COL20A1: variants seen among roughly 807,000 people sequenced by gnomAD.
COL20A1 encodes the protein collagen type XX alpha 1 chain.
COL20A1 carries 164 observed loss-of-function variants against 152.9 expected under a neutral mutation model. The ratio of observed to expected loss-of-function variants is 1.07; its 90% CI spans 0.94 to 1.22. The LOEUF is 1.22. Among genes scored for constraint, COL20A1 ranks in the 50% most tolerant of loss-of-function variants. The pLI is 0.00. For synonymous variants in COL20A1, 864 were observed against 756.0 expected (o/e 1.14, Z -2.34); for missense variants, 1,873 against 1,744.8 (o/e 1.07, Z -1.31).
At position 63,313,797 on chromosome 20, in the gene COL20A1, A is replaced by G. The variant is rs765507456; in HGVS notation, c.2264A>G (p.Asp755Gly). The change falls in exon 18 of 36, where the codon GAC (aspartate) becomes GGC (glycine). Residue 755 changes from aspartate to glycine, a missense_variant. Asp to Gly is a moderately conservative substitution (Grantham distance 94). Coordinates refer to ENST00000358894, the MANE Select transcript of COL20A1 (RefSeq NM_020882.4). The surrounding 1 kb of genome is among the most constrained non-coding windows in gnomAD (Gnocchi z 5.9). ...CTGGCCCTGGCCTCGGAGACCCCCG[A>G]CAGCCTGCAGGTCAGCTGGACGCCC... is the stretch of plus-strand genomic sequence containing the variant. ...SNLALASETP[D>G]SLQVSWTPPL... is the part of the protein sequence containing the mutation. 1.7e-5 allele frequency: 28 copies of G among 1,610,482 alleles called. No homozygotes were observed. The highest frequency in any genetic ancestry group is 2.1e-5 in the Non-Finnish European group (25 of 1,179,066).
Position 63,334,646 on chromosome 20 carries a change from ACTT to A in COL20A1, c.*3933_*3935del, listed in dbSNP as rs1196264654. 9 of 152,118 alleles carry A rather than the reference ACTT, an allele frequency of 5.9e-5. No individual in the cohort carries two copies. The highest frequency in any genetic ancestry group is 1.2e-4 in the Non-Finnish European group (8 of 68,014). 9.4% of individuals were successfully genotyped at this position (152,118 alleles called of 1,614,324 possible). A position where few individuals can be genotyped will look rare whatever the true frequency, so the allele number is the denominator to read the frequency against. On this transcript the variant is annotated 3_prime_UTR_variant, in exon 36 of 36. Coordinates refer to ENST00000358894, the MANE Select transcript of COL20A1 (RefSeq NM_020882.4). ...GCCGTGTTACCCAGGCTGGTCTTGA[ACTT>A]CTGAGCTCAAACGATCCACCCTCCT...
chr20:63,293,565 G>C (rs866347907), intron 1 of COL20A1, among the ~76,000 whole-genome samples: 1 of 152,132 alleles, frequency 6.6e-6, no homozygotes, highest in Non-Finnish European at 1.5e-5. Context: ...AGCAGAGAGC[G>C]GCTTGCACTT....
rs1254279188 is a variant in COL20A1 at position 63,330,869 on chromosome 20, G to GC, written c.*156dup. 2 of 152,264 alleles carry GC rather than the reference G, an allele frequency of 1.3e-5. No individual in the cohort carries two copies. The highest frequency in any genetic ancestry group is 2.9e-5 in the Non-Finnish European group (2 of 68,092). 9.4% of individuals were successfully genotyped at this position (152,264 alleles called of 1,614,324 possible). The stretch of plus-strand genomic sequence containing the variant: ...GAGGGAAGCAGCGGCCTCGGCCAAG[G>GC]CCCACCCCATACTCTTGGCTCTGTA... On this transcript the variant is annotated 3_prime_UTR_variant, in exon 36 of 36. Coordinates refer to ENST00000358894, the MANE Select transcript of COL20A1 (RefSeq NM_020882.4).
At chr20:63,295,075 G>T (rs540408642) in intron 1 of COL20A1, 23 bp from the exon 2 acceptor site, 3 of 1,487,654 alleles carry the variant, frequency 2.0e-6, no homozygotes, top group South Asian at 2.5e-5. Context: ...CGGCTGAAGG[G>T]CATGGCCTCT....
intron 35 of COL20A1, among the ~76,000 whole-genome samples, chr20:63,330,029 T>A (rs944234675): frequency 1.3e-5 from 2 of 151,860 alleles, no homozygotes; most frequent in African/African-American, 4.8e-5. Context: ...AGGTGTTTGC[T>A]CAGTGGGCAC....
At position 63,305,910 on chromosome 20, in the gene COL20A1, A is replaced by G. The variant is rs777135201; in HGVS notation, c.367A>G (p.Arg123Gly). The change falls in exon 5 of 36, where the codon AGG (arginine) becomes GGG (glycine). Residue 123 changes from arginine (R) to glycine (G), a missense_variant. Transcript: ENST00000358894. This position sits in a 1 kb window ranked among gnomAD's most constrained non-coding sequence, Gnocchi z 4.9. The part of the protein sequence containing the change: ...IEDLKSSSLD[R>G]SSQRPLGSGA... ...GGATCTGAAGAGTAGCTCCCTGGAC[A>G]GGAGCAGCCAGAGGCCCCTCGGCTC... 4 of 1,612,980 alleles carry G rather than the reference A, an allele frequency of 2.5e-6. No homozygotes were observed. The highest frequency in any genetic ancestry group is 3.4e-6 in the Non-Finnish European group (4 of 1,179,802).
chr20:63,310,754 A>G (rs771965107), intron 11 of COL20A1, among the ~76,000 whole-genome samples: 3 of 151,998 alleles, frequency 2.0e-5, no homozygotes, highest in Non-Finnish European at 2.9e-5. Flanking sequence ...ATCACAGCCC[A>G]TTATGCTGCT....
At chr20:63,321,983 GC>G in intron 26 of COL20A1, 74 bp from the exon 27 acceptor site, 2 of 1,264,464 alleles carry the variant, frequency 1.6e-6, no homozygotes, top group Non-Finnish European at 2.2e-6. Context: ...CAGGCATGGG[GC>G]TCAGGGGCTG....
rs2068040735 is a variant in COL20A1 at position 63,313,314 on chromosome 20, T to C, written c.2209+65T>C. The C allele has an allele frequency of 2.0e-6, 3 of 1,524,862 alleles. No homozygotes were observed. The highest frequency in any genetic ancestry group is 4.6e-5 in the East Asian group (2 of 43,664). 94.5% of individuals were successfully genotyped at this position (1,524,862 alleles called of 1,614,324 possible). On this transcript the variant is annotated intron_variant, in intron 17 of 35. Coordinates refer to ENST00000358894, the MANE Select transcript of COL20A1 (RefSeq NM_020882.4). The surrounding 1 kb of genome is among the most constrained non-coding windows in gnomAD (Gnocchi z 5.9). ...AGGGATGGCCCAGGGGATCCCTGACTCACCCGCTGCACAGGCCCAGGACCC... is the reference window on the plus strand; with the variant it reads ...AGGGATGGCCCAGGGGATCCCTGACCCACCCGCTGCACAGGCCCAGGACCC...
intron 35 of COL20A1, among the ~76,000 whole-genome samples, chr20:63,330,457 G>A (rs2068318256): frequency 6.6e-6 from 1 of 152,166 alleles, no homozygotes; most frequent in Non-Finnish European, 1.5e-5. Flanking sequence ...CCAAGAATCA[G>A]GTCAGAGCCC....
chr20:63,320,526 G>A (rs762378431), intron 25 of COL20A1, among the ~76,000 whole-genome samples, 158 bp downstream of exon 25: 1 of 152,210 alleles, frequency 6.6e-6, no homozygotes, highest in South Asian at 2.1e-4. Flanking sequence ...GCCAGTGGAT[G>A]AGCCCAGAGG....
chr20:63,329,740 G>T lies in COL20A1; in HGVS notation c.*3+79G>T, dbSNP rs6010904. The T allele has an allele frequency of 9.4e-3, 9,453 of 1,010,794 alleles. 517 individuals are homozygous for T. In the African/African-American group the frequency reaches 0.12, roughly 13 times the overall value. The allele number at this position is 1,010,794 out of a possible 1,614,324, so 62.6% of individuals were successfully genotyped here. ...AGGAGCTCCTGAGGGGCCAACGGGT[G>T]GGGCCTCATGCTGTCCAGGGTGGGG... is the stretch of plus-strand genomic sequence containing the variant. On this transcript the variant is annotated intron_variant, in intron 35 of 35. Coordinates refer to ENST00000358894, the MANE Select transcript of COL20A1 (RefSeq NM_020882.4).
rs1432380407 is a variant in COL20A1 at position 63,331,691 on chromosome 20, T to C, written c.*975T>C. On this transcript the variant is annotated 3_prime_UTR_variant, in exon 36 of 36. Coordinates refer to ENST00000358894, the MANE Select transcript of COL20A1 (RefSeq NM_020882.4). The stretch of plus-strand genomic sequence containing the variant: ...AACTTCTACTTCCTTTCCAAACAAA[T>C]ATTCAGTAACTAGTCCACTGTTACC... The C allele has an allele frequency of 1.3e-5, 2 of 152,096 alleles. 1 individual carries two copies. Among genetic ancestry groups the C allele is most frequent in the African/African-American group, 4.8e-5 (2 of 41,376 alleles). 9.4% of individuals were successfully genotyped at this position (152,096 alleles called of 1,614,324 possible).
intron 3 of COL20A1, among the ~76,000 whole-genome samples, chr20:63,304,660 C>T (rs553144887): frequency 6.7e-6 from 1 of 148,548 alleles, no homozygotes; most frequent in African/African-American, 2.5e-5. Flanking sequence ...TTCCTCCCTC[C>T]AGGTGTGCAG....
chr20:63,320,501 GGAGGCA>G (rs1280173226), intron 25 of COL20A1, 133 bp downstream of exon 25: 1 of 893,198 alleles, frequency 1.1e-6, no homozygotes. Flanking sequence ...GGCTTTCAGA[GGAGGCA>G]GCCTCAGGGC....
chr20:63,319,097 C>G lies in COL20A1; in HGVS notation c.2703C>G (p.Ile901Met), dbSNP rs377419781. The change falls in exon 22 of 36, where the codon ATC becomes ATG. Residue 901 changes from isoleucine to methionine, a missense_variant. Physicochemically the swap from Ile to Met is conservative, Grantham distance 10 (BLOSUM62 1). Transcript: ENST00000358894. This position sits in a 1 kb window ranked among gnomAD's most constrained non-coding sequence, Gnocchi z 4.4. ...YPAPLPPEHT[I>M]VFLVRLLPET... The stretch of plus-strand genomic sequence containing the variant: ...CCCCCCTACCTCCAGAGCACACCAT[C>G]GTCTTCCTTGTGCGCCTACTTCCCG... 1 of 1,612,044 alleles carries G rather than the reference C, an allele frequency of 6.2e-7. No homozygotes were observed. The highest frequency in any genetic ancestry group is 8.5e-7 in the Non-Finnish European group (1 of 1,178,654).
intron 3 of COL20A1, among the ~76,000 whole-genome samples, chr20:63,300,975 A>C (rs751269712): frequency 2.0e-5 from 3 of 152,068 alleles, no homozygotes; most frequent in Non-Finnish European, 4.4e-5. Flanking sequence ...TTCTTCCTTC[A>C]TTGCATTGTG....
rs1157122711 is a variant in COL20A1, at chr20:63,326,105, G to A, written c.3412G>A (p.Gly1138Ser). 2.5e-6 allele frequency: 4 copies of A among 1,612,830 alleles called. No homozygotes were observed. Among genetic ancestry groups the A allele is most frequent in the Non-Finnish European group, 3.4e-6 (4 of 1,179,708 alleles). The change falls in exon 30 of 36, where the codon GGC becomes AGC. Residue 1138 changes from glycine to serine, a missense_variant. By Grantham distance (56) the Gly-to-Ser change is moderately conservative. Coordinates refer to ENST00000358894, the MANE Select transcript of COL20A1 (RefSeq NM_020882.4). ...CTTCCTTTGCCATCAGGGAATGAGA[G>A]GCCTGGAGGGAACTGCTGGCCTGCC... ...VGLQGPKGMR[G>S]LEGTAGLPGP...
chr20:63,319,479 C>A lies in COL20A1; in HGVS notation c.2807-8C>A. ...CCGTTCTCACCTGCTCCACCCCTTC[C>A]CTGGCAGCCGGGAAGAAGTCCCTGA... On this transcript the variant is annotated splice_polypyrimidine_tract_variant and splice_region_variant and intron_variant, in intron 22 of 35. Transcript: ENST00000358894. The surrounding 1 kb of genome is among the most constrained non-coding windows in gnomAD (Gnocchi z 4.4). The A allele has an allele frequency of 6.4e-7, 1 of 1,560,994 alleles. No homozygotes were observed. The highest frequency in any genetic ancestry group is 2.4e-5 in the East Asian group (1 of 41,686).
Sources: gnomAD v4.1 joint callset for allele counts (sites outside exome capture counted in the v4.1 genomes callset) on GRCh38, gnomAD v4.1.1 for gene constraint, Gnocchi (gnomAD v3.1) non-coding constraint, MANE v1.5 for transcripts, NCBI Gene and HGNC (gene_info 2026-07-23, HGNC 2026-07-21) for gene names.